SEMA6D: variants seen among roughly 807,000 people sequenced by gnomAD.
SEMA6D encodes semaphorin 6D.
SEMA6D carries 35 observed loss-of-function variants against 106.6 expected under a neutral mutation model. The observed-to-expected ratio is 0.33, with a 90% CI of 0.25 to 0.44. SEMA6D has a LOEUF of 0.44. SEMA6D is among the 20% of genes least tolerant of loss of function. SEMA6D has a pLI of 1.00. For missense variants in SEMA6D, 1,185 were observed against 1,345.9 expected, an observed-to-expected ratio of 0.88 and a Z score of 1.87; for synonymous variants, 499 against 487.7, an observed-to-expected ratio of 1.02 and a Z score of -0.31.
chr15:47,668,157 T>C (rs2078065022), intron 4 of SEMA6D, among the ~76,000 whole-genome samples: 1 of 151,834 alleles, frequency 6.6e-6, no homozygotes. Context: ...AAAGTATCAC[T>C]TAGACTGAAC....
intron 1 of SEMA6D, among the ~76,000 whole-genome samples, chr15:47,225,054 C>T (rs1175775493): frequency 1.3e-5 from 2 of 151,944 alleles, no homozygotes; most frequent in Non-Finnish European, 2.9e-5. Flanking sequence ...CAGAGTAGAA[C>T]ATCAACCCTT....
chr15:47,278,065 A>T (rs1222586702), intron 1 of SEMA6D, among the ~76,000 whole-genome samples: 1 of 151,760 alleles, frequency 6.6e-6, no homozygotes, highest in Non-Finnish European at 1.5e-5. Flanking sequence ...TAATGCCACA[A>T]TAAACATACG....
At position 47,771,745 on chromosome 15, in the gene SEMA6D, A is replaced by T; in HGVS notation, c.3182A>T (p.Gln1061Leu). The T allele has an allele frequency of 1.2e-6, 2 of 1,613,928 alleles. No individual in the cohort carries two copies. The highest frequency in any genetic ancestry group is 1.7e-6 in the Non-Finnish European group (2 of 1,179,898). ...DVPPKPSFVP[Q>L]TPSVRPLNKY... The stretch of plus-strand genomic sequence containing the variant: ...CCACCAAAGCCTTCCTTTGTTCCTC[A>T]AACCCCATCTGTCAGACCACTGAAC... The change falls in exon 19 of 19, where the codon CAA (glutamine) becomes CTA (leucine). Residue 1061 changes from glutamine to leucine, a missense_variant. Gln to Leu is a moderately radical substitution (Grantham distance 113). Coordinates refer to ENST00000536845, the MANE Select transcript of SEMA6D (RefSeq NM_001358351.3).
At chr15:47,215,121 T>C (rs190553175) in intron 1 of SEMA6D, among the ~76,000 whole-genome samples, 2 of 151,524 alleles carry the variant, frequency 1.3e-5, no homozygotes, top group African/African-American at 4.9e-5. Context: ...GGTATTCTTT[T>C]TGATGGACAA....
intron 4 of SEMA6D, among the ~76,000 whole-genome samples, chr15:47,671,394 C>T (rs758577333): frequency 2.6e-5 from 4 of 151,982 alleles, no homozygotes; most frequent in South Asian, 2.1e-4. Context: ...GAAAGACCTA[C>T]GAGAATCAAC....
At chr15:47,496,328 T>A (rs1199245924) in intron 3 of SEMA6D, among the ~76,000 whole-genome samples, 1 of 152,078 alleles carries the variant, frequency 6.6e-6, no homozygotes, top group Non-Finnish European at 1.5e-5. Context: ...GAGGACGTAT[T>A]TTCTGAAAGT....
At chr15:47,253,113 AC>A (rs1160657566) in intron 1 of SEMA6D, among the ~76,000 whole-genome samples, 1 of 151,728 alleles carries the variant, frequency 6.6e-6, no homozygotes, top group Non-Finnish European at 1.5e-5. Context: ...GTGATATTTC[AC>A]TGTTTTGATT....
At chr15:47,459,201 G>A (rs998624615) in intron 2 of SEMA6D, among the ~76,000 whole-genome samples, 3 of 152,108 alleles carry the variant, frequency 2.0e-5, no homozygotes, top group Admixed American at 1.3e-4. Flanking sequence ...CCATGTTGGA[G>A]AAATCCATGT....
intron 3 of SEMA6D, among the ~76,000 whole-genome samples, chr15:47,553,751 A>G (rs2045834556): frequency 6.6e-6 from 1 of 152,166 alleles, no homozygotes; most frequent in African/African-American, 2.4e-5. Flanking sequence ...GAAGGCAAAA[A>G]AAAAAATTAA....
At chr15:47,723,872 A>T (rs556716902) in intron 1 of SEMA6D, among the ~76,000 whole-genome samples, 1 of 152,360 alleles carries the variant, frequency 6.6e-6, no homozygotes, top group South Asian at 2.1e-4. Flanking sequence ...CCTCAGGAAG[A>T]TCTGCAATTA....
intron 3 of SEMA6D, among the ~76,000 whole-genome samples, chr15:47,568,122 T>C (rs1186085394): frequency 6.6e-6 from 1 of 151,498 alleles, no homozygotes; most frequent in Non-Finnish European, 1.5e-5. Flanking sequence ...GAGATGTAAC[T>C]TGGAGACCAA....
chr15:47,585,681 T>C (rs2076326048), intron 3 of SEMA6D, among the ~76,000 whole-genome samples: 1 of 152,244 alleles, frequency 6.6e-6, no homozygotes, highest in South Asian at 2.1e-4. Context: ...ATATTATTTA[T>C]GTCAATAATA....
intron 4 of SEMA6D, among the ~76,000 whole-genome samples, chr15:47,669,219 C>T (rs988527051): frequency 2.0e-5 from 3 of 152,194 alleles, no homozygotes; most frequent in African/African-American, 7.2e-5. Context: ...TTTTCCTCCA[C>T]ATAAATGAAT....
chr15:47,223,106 A>G (rs1033646534), intron 1 of SEMA6D, among the ~76,000 whole-genome samples: 1 of 150,224 alleles, frequency 6.7e-6, no homozygotes, highest in Non-Finnish European at 1.5e-5. Flanking sequence ...GAGTTAACAC[A>G]TTTAGCCTTT....
At chr15:47,339,176 C>G (rs947609730) in intron 1 of SEMA6D, 11 of 152,318 alleles carry the variant, frequency 7.2e-5, no homozygotes, top group African/African-American at 2.6e-4. Flanking sequence ...ATACCTCACC[C>G]TACACATCTC....
rs1398441234 is a variant in SEMA6D at position 47,348,725 on chromosome 15, C to CAGAGAGAGAGAGAG, written c.-238-63667_-238-63666insGAGAGAGAGAGAGA. 1.8e-3 allele frequency among the ~76,000 whole-genome samples: 84 copies of CAGAGAGAGAGAGAG among 47,740 alleles called. 3 individuals carry two copies. Among genetic ancestry groups the CAGAGAGAGAGAGAG allele is most frequent in the African/African-American group, 3.7e-3 (79 of 21,434 alleles). 31.3% of individuals were successfully genotyped at this position (47,740 alleles called of 152,430 possible). A position where few individuals can be genotyped will look rare whatever the true frequency, so the allele number is the denominator to read the frequency against. ...CACACACACACACACACACCACACA[C>CAGAGAGAGAGAGAG]ACAGAGAGAGAGAGAGAGAGAGAGA... On this transcript the variant is annotated intron_variant, in intron 1 of 19. Coordinates refer to the SEMA6D transcript ENST00000558014.
intron 4 of SEMA6D, among the ~76,000 whole-genome samples, chr15:47,608,443 A>G (rs1346074900): frequency 6.6e-6 from 1 of 152,186 alleles, no homozygotes; most frequent in Non-Finnish European, 1.5e-5. Flanking sequence ...AGGAGAAAAC[A>G]GTTGTACAAT....
At chr15:47,440,645 ATAAAGT>A (rs980851448) in intron 2 of SEMA6D, among the ~76,000 whole-genome samples, 89 of 152,146 alleles carry the variant, frequency 5.8e-4, no homozygotes, top group African/African-American at 1.9e-3. Flanking sequence ...GGTGCTGAAG[ATAAAGT>A]TAAAAAAAAA....
intron 4 of SEMA6D, among the ~76,000 whole-genome samples, chr15:47,683,175 T>A (rs150999361): frequency 3.6e-4 from 55 of 152,350 alleles, no homozygotes; most frequent in African/African-American, 1.3e-3. Context: ...GCGAACATTA[T>A]ACCCAAATGG....
Sources: gnomAD v4.1 joint callset for allele counts (sites outside exome capture counted in the v4.1 genomes callset) on GRCh38, gnomAD v4.1.1 for gene constraint, MANE v1.5 for transcripts, NCBI Gene and HGNC (gene_info 2026-07-23, HGNC 2026-07-21) for gene names.